The following PLCB4 variants were observed in gnomAD, a reference collection of about 807,000 sequenced individuals.
The protein encoded by PLCB4 is phospholipase C beta 4.
In PLCB4, 77 loss-of-function variants were observed where a neutral mutation model predicts 178.8. The ratio of observed to expected loss-of-function variants is 0.43; its 90% CI spans 0.36 to 0.52. PLCB4 has a LOEUF of 0.52. PLCB4 is among the 20% of genes least tolerant of loss of function. The pLI is 0.00. For missense variants in PLCB4, 1,024 were observed against 1,453.4 expected (o/e 0.70, Z 4.80); for synonymous variants, 496 against 490.8 (o/e 1.01, Z -0.14).
At chr20:9,191,494 G>A (rs971932048) in intron 2 of PLCB4, among the ~76,000 whole-genome samples, 4 of 151,828 alleles carry the variant, frequency 2.6e-5, no homozygotes, top group Admixed American at 1.3e-4. Flanking sequence ...CCAGAACTGT[G>A]AGAAATAAAT....
chr20:9,122,041 T>C (rs970116942), intron 2 of PLCB4, among the ~76,000 whole-genome samples: 5 of 152,140 alleles, frequency 3.3e-5, no homozygotes, highest in Admixed American at 6.6e-5. Context: ...TAAACATGAG[T>C]GTGTTGTTTG....
intron 2 of PLCB4, among the ~76,000 whole-genome samples, chr20:9,149,532 C>T (rs918698524): frequency 1.3e-4 from 20 of 152,262 alleles, no homozygotes; most frequent in African/African-American, 3.9e-4. Context: ...CTTCTTGCAA[C>T]GTACTGTGCA....
rs190813143 is a variant in PLCB4 at position 9,168,976 on chromosome 20, C to T, written c.-78-48414C>T. Among the ~76,000 whole-genome samples, 9 of 101,022 alleles carry T rather than the reference C, an allele frequency of 8.9e-5. No individual in the cohort carries two copies. In the East Asian group the frequency reaches 2.5e-3, roughly 28 times the overall value. 66.3% of individuals were successfully genotyped at this position (101,022 alleles called of 152,430 possible). A position where few individuals can be genotyped will look rare whatever the true frequency, so the allele number is the denominator to read the frequency against. ...AAGCTCAACACCCACCTTTCAAGCTCAAGTCTCCCTTTGCGGTTGCTACAA... is the reference window on the plus strand; with the variant it reads ...AAGCTCAACACCCACCTTTCAAGCTTAAGTCTCCCTTTGCGGTTGCTACAA... On this transcript the variant is annotated intron_variant, in intron 2 of 39. Transcript: ENST00000378473.
intron 3 of PLCB4, among the ~76,000 whole-genome samples, chr20:9,265,259 G>A (rs1265974631): frequency 6.6e-6 from 1 of 152,106 alleles, no homozygotes; most frequent in Non-Finnish European, 1.5e-5. Flanking sequence ...AAGGCAGATG[G>A]ATCACTTGAG....
At chr20:9,207,691 T>G (rs933994773) in intron 2 of PLCB4, among the ~76,000 whole-genome samples, 23 of 152,246 alleles carry the variant, frequency 1.5e-4, no homozygotes, top group Admixed American at 2.6e-4. Context: ...GCCCACCATC[T>G]GCTCCACAAT....
chr20:9,422,683 AGT>A (rs2040726071), intron 27 of PLCB4, among the ~76,000 whole-genome samples: 1 of 152,198 alleles, frequency 6.6e-6, no homozygotes, highest in African/African-American at 2.4e-5. Flanking sequence ...GTTCTTCAGA[AGT>A]TAAATCGTTT....
chr20:9,409,504 G>C (rs2039705097), intron 24 of PLCB4, among the ~76,000 whole-genome samples: 1 of 152,058 alleles, frequency 6.6e-6, no homozygotes, highest in African/African-American at 2.4e-5. Flanking sequence ...TTTGTTTCCA[G>C]AGGCAGAATT....
chr20:9,074,665 G>A (rs554480018), intron 1 of PLCB4, among the ~76,000 whole-genome samples: 1 of 152,216 alleles, frequency 6.6e-6, no homozygotes, highest in African/African-American at 2.4e-5. Flanking sequence ...CCCAGTGACT[G>A]CATTTGGACA....
chr20:9,448,633 T>C (rs111557455), intron 32 of PLCB4, among the ~76,000 whole-genome samples: 1 of 151,636 alleles, frequency 6.6e-6, no homozygotes, highest in Non-Finnish European at 1.5e-5. Flanking sequence ...TTTTTTTTTT[T>C]TTCTCTCATT....
At position 9,272,027 on chromosome 20, in the gene PLCB4, AT is replaced by A. The variant is rs1476545701; in HGVS notation, c.-15-35771del. Among the ~76,000 whole-genome samples the A allele has an allele frequency of 6.1e-4, 93 of 151,768 alleles. 1 individual carries two copies. In the Middle Eastern group the frequency reaches 0.014, roughly 22 times the overall value. On this transcript the variant is annotated intron_variant, in intron 3 of 39. Coordinates refer to ENST00000378473, the MANE Select transcript of PLCB4 (RefSeq NM_001377142.1). The stretch of plus-strand genomic sequence containing the variant: ...ATCCTATGTCTACCAAAAAAAAAAA[AT>A]TGGCTGGGCGTGGTGGCATGCACCT...
intron 3 of PLCB4, among the ~76,000 whole-genome samples, chr20:9,272,389 G>A (rs191909453): frequency 7.6e-4 from 116 of 152,126 alleles, no homozygotes; most frequent in African/African-American, 2.6e-3. Flanking sequence ...TTACGTTAAT[G>A]AGGATGCTGA....
At chr20:9,451,797 A>T (rs1337990361) in intron 32 of PLCB4, among the ~76,000 whole-genome samples, 1 of 152,214 alleles carries the variant, frequency 6.6e-6, no homozygotes, top group Non-Finnish European at 1.5e-5. Flanking sequence ...TTTTAATCCT[A>T]ACAACCCTAT....
intron 3 of PLCB4, among the ~76,000 whole-genome samples, chr20:9,277,357 G>A (rs2094458931): frequency 6.6e-6 from 1 of 152,042 alleles, no homozygotes. Flanking sequence ...TTGATTTGTG[G>A]ATGATGATTT....
chr20:9,409,995 A>G (rs2039741035), intron 24 of PLCB4, among the ~76,000 whole-genome samples: 1 of 152,168 alleles, frequency 6.6e-6, no homozygotes, highest in Non-Finnish European at 1.5e-5. Context: ...TTTTTCCTTC[A>G]ACTCTTTGCT....
At chr20:9,160,535 G>A (rs149811288) in intron 2 of PLCB4, among the ~76,000 whole-genome samples, 75 of 152,304 alleles carry the variant, frequency 4.9e-4, no homozygotes, top group African/African-American at 1.7e-3. Flanking sequence ...GTGCCTGTGT[G>A]TGTGCATGCA....
chr20:9,362,997 C>T (rs370973507), intron 8 of PLCB4, 22 bp downstream of exon 8: 67 of 1,538,914 alleles, frequency 4.4e-5, no homozygotes, highest in East Asian at 3.8e-4. Context: ...TTGCATTACT[C>T]GTTTTTCTTG....
At chr20:9,335,539 T>G (rs2032330818) in intron 4 of PLCB4, among the ~76,000 whole-genome samples, 1 of 152,194 alleles carries the variant, frequency 6.6e-6, no homozygotes, top group Non-Finnish European at 1.5e-5. Context: ...TGTTAATAAT[T>G]TGCTACCACT....
chr20:9,075,989 G>T (rs762889092), intron 1 of PLCB4, among the ~76,000 whole-genome samples: 6 of 151,988 alleles, frequency 3.9e-5, no homozygotes, highest in Non-Finnish European at 4.4e-5. Context: ...TAATTTTTTT[G>T]GCTGTAAAAT....
chr20:9,202,896 T>C (rs2093564497), intron 2 of PLCB4, among the ~76,000 whole-genome samples: 1 of 151,738 alleles, frequency 6.6e-6, no homozygotes, highest in African/African-American at 2.4e-5. Flanking sequence ...GTGTTCTGGG[T>C]CATGAAAAGT....
Sources: gnomAD v4.1 joint callset for allele counts (sites outside exome capture counted in the v4.1 genomes callset) on GRCh38, gnomAD v4.1.1 for gene constraint, MANE v1.5 for transcripts, NCBI Gene and HGNC (gene_info 2026-07-23, HGNC 2026-07-21) for gene names.